Variants in SLC2A7 observed in about 807,000 individuals in gnomAD.
The protein encoded by SLC2A7 is solute carrier family 2 member 7.
SLC2A7 carries 50 observed loss-of-function variants against 50.5 expected under a neutral mutation model. The ratio of observed to expected loss-of-function variants is 0.99; its 90% CI spans 0.79 to 1.25. The LOEUF is 1.25. SLC2A7 is among the 50% of genes most tolerant of loss of function. The probability of loss-of-function intolerance (pLI) is 0.00; values close to 1 mark genes in which losing one functional copy is unlikely to be tolerated. For missense variants in SLC2A7, 683 were observed against 679.1 expected, an observed-to-expected ratio of 1.01 and a Z score of -0.06; for synonymous variants, 308 against 300.4, an observed-to-expected ratio of 1.03 and a Z score of -0.26.
chr1:8,995,505 G>C, the SLC2A7 span, among the ~76,000 whole-genome samples: 1 of 151,812 alleles, frequency 6.6e-6, no homozygotes, highest in Non-Finnish European at 1.5e-5. Context: ...CCAGCACTTT[G>C]GGATGCCAAG....
rs574704600 is a variant in SLC2A7 at position 9,021,262 on chromosome 1, A to G, written c.311+1656T>C. On this transcript the variant is annotated intron_variant, in intron 3 of 11. Transcript: ENST00000400906. Reference sequence around the variant, plus strand: ...TAGCCTGAAGTGATTGGCTCACCTCAGCCTCCCAAAGTGCTGGGATTACTG... The same window carrying G: ...TAGCCTGAAGTGATTGGCTCACCTCGGCCTCCCAAAGTGCTGGGATTACTG... Among the ~76,000 whole-genome samples, 225 of 152,236 alleles carry G rather than the reference A, an allele frequency of 1.5e-3. 1 individual carries two copies. Among genetic ancestry groups the G allele is most frequent in the African/African-American group, 5.2e-3 (215 of 41,550 alleles).
At chr1:9,003,664 C>G (rs1640608376) in intron 11 of SLC2A7, 146 bp from the exon 12 acceptor site, 3 of 650,306 alleles carry the variant, frequency 4.6e-6, no homozygotes, top group Non-Finnish European at 8.0e-6. Flanking sequence ...TTGAGACCAA[C>G]CTGGCCAACA....
At chr1:9,019,133 T>C (rs544179021) in intron 4 of SLC2A7, 76 bp downstream of exon 4, 1 of 1,542,814 alleles carries the variant, frequency 6.5e-7, no homozygotes, top group South Asian at 1.2e-5. Flanking sequence ...GGCAGACACC[T>C]CATCTGCTCC....
At chr1:9,020,855 G>A (rs1303168719) in intron 3 of SLC2A7, among the ~76,000 whole-genome samples, 1 of 152,002 alleles carries the variant, frequency 6.6e-6, no homozygotes, top group African/African-American at 2.4e-5. Flanking sequence ...CTGTTCTCGT[G>A]ATAGTGAATA....
In SLC2A7 at chr1:9,023,078, C is replaced by G. The variant is rs774670862; in HGVS notation, c.151G>C (p.Val51Leu). 7.4e-6 allele frequency: 12 copies of G among 1,612,984 alleles called. No homozygotes were observed. The highest frequency in any genetic ancestry group is 1.0e-5 in the Non-Finnish European group (12 of 1,179,234). Residue 51 changes from valine to leucine, a missense_variant and splice_region_variant, in exon 3 of 12, where the codon GTC becomes CTC. Transcript: ENST00000400906. ...NLSVVNTPHK[V>L]FKSFYNETYF... ...GTTTCGTTGTAAAATGACTTGAAGA[C>G]CTGGAAAACATTGCCCCATCCACAG...
chr1:9,022,685 T>G (rs1569809387), intron 3 of SLC2A7, among the ~76,000 whole-genome samples: 1 of 9,174 alleles, frequency 1.1e-4, no homozygotes, highest in Non-Finnish European at 1.9e-4. Flanking sequence ...CTGCACCACC[T>G]CTGTGGCAGG....
At chr1:9,010,407 G>A (rs1273649595) in intron 8 of SLC2A7, among the ~76,000 whole-genome samples, 163 bp from the exon 9 acceptor site, 1 of 152,034 alleles carries the variant, frequency 6.6e-6, no homozygotes, top group Admixed American at 6.6e-5. Flanking sequence ...TGCCCAGGCT[G>A]GAGTGCAGTG....
intron 8 of SLC2A7, among the ~76,000 whole-genome samples, chr1:9,012,421 G>T (rs908919315): frequency 1.3e-5 from 2 of 152,144 alleles, no homozygotes; most frequent in Admixed American, 6.5e-5. Flanking sequence ...TGGGGATGGG[G>T]CCACAGAAAT....
chr1:9,013,137 C>T (rs1286594581), intron 8 of SLC2A7, among the ~76,000 whole-genome samples: 2 of 152,128 alleles, frequency 1.3e-5, no homozygotes, highest in Admixed American at 6.5e-5. Context: ...AGTCATCCAC[C>T]TGCCTCAGTC....
At position 9,010,186 on chromosome 1, in the gene SLC2A7, C is replaced by T; in HGVS notation, c.1073G>A (p.Cys358Tyr). 2 of 1,552,396 alleles carry T rather than the reference C, an allele frequency of 1.3e-6. No individual in the cohort carries two copies. The highest frequency in any genetic ancestry group is 1.2e-5 in the South Asian group (1 of 84,096). ...CGTCAGCACCAGGCAGGCAGAGCCG[C>T]AGATGCCGTAGCCGGCCAGCAGGAG... ...RHLLLAGYGI[C>Y]GSACLVLTVV... Residue 358 changes from cysteine to tyrosine, a missense_variant, in exon 9 of 12, where the codon TGC (cysteine) becomes TAC (tyrosine). By Grantham distance (194) the Cys-to-Tyr change is radical (BLOSUM62 -2). Transcript: ENST00000400906.
At chr1:9,017,822 A>T (rs553366040) in intron 5 of SLC2A7, among the ~76,000 whole-genome samples, 7 of 152,320 alleles carry the variant, frequency 4.6e-5, no homozygotes, top group African/African-American at 1.7e-4. Context: ...CCGCCAGAAG[A>T]AAACAGCCAC....
intron 3 of SLC2A7, among the ~76,000 whole-genome samples, chr1:9,019,634 C>T (rs1640884237): frequency 6.6e-6 from 1 of 152,086 alleles, no homozygotes; most frequent in Admixed American, 6.6e-5. Context: ...CCCGTGAAGA[C>T]ACAGCCAGGC....
chr1:9,024,339 G>T (rs1335366632), intron 2 of SLC2A7, among the ~76,000 whole-genome samples: 13 of 152,182 alleles, frequency 8.5e-5, no homozygotes, highest in Non-Finnish European at 2.9e-5. Context: ...GGTAATAATT[G>T]TAAGTACACT....
chr1:9,013,691 A>G, intron 7 of SLC2A7, 56 bp from the exon 8 acceptor site: 2 of 1,438,668 alleles, frequency 1.4e-6, no homozygotes, highest in African/African-American at 1.4e-5. Context: ...ACGCTGGCTT[A>G]ACTTTCTCAA....
chr1:9,025,182 G>A, intron 1 of SLC2A7, 108 bp from the exon 2 acceptor site: 9 of 1,159,222 alleles, frequency 7.8e-6, no homozygotes, highest in Non-Finnish European at 1.1e-5. Context: ...GGGGATGGGG[G>A]ATCCCAGGCC....
intron 5 of SLC2A7, among the ~76,000 whole-genome samples, chr1:9,017,082 C>T (rs1640841361): frequency 6.6e-6 from 1 of 152,154 alleles, no homozygotes; most frequent in African/African-American, 2.4e-5. Context: ...TAGGTAAAAA[C>T]TGGCCATACG....
At chr1:9,018,560 C>T (rs74050989) in intron 4 of SLC2A7, among the ~76,000 whole-genome samples, 185 bp from the exon 5 acceptor site, 2,174 of 152,344 alleles carry the variant, frequency 0.014, 61 homozygotes, top group African/African-American at 0.049. Context: ...ATCCTCAGCC[C>T]CCACGGGGGA....
intron 5 of SLC2A7, among the ~76,000 whole-genome samples, chr1:9,017,850 G>A (rs1640852673): frequency 6.6e-6 from 1 of 152,172 alleles, no homozygotes; most frequent in African/African-American, 2.4e-5. Flanking sequence ...CAGAGACGGT[G>A]GCTGTGAACC....
chr1:9,015,342 C>T, intron 5 of SLC2A7, 100 bp from the exon 6 acceptor site: 1 of 1,403,358 alleles, frequency 7.1e-7, no homozygotes, highest in Non-Finnish European at 9.3e-7. Flanking sequence ...GAACCAAGGA[C>T]TGTGGGGACT....
Sources: allele counts gnomAD v4.1 joint callset (sites outside exome capture counted in the v4.1 genomes callset), GRCh38; gene constraint gnomAD v4.1.1; transcripts MANE v1.5; gene names NCBI Gene and HGNC (gene_info 2026-07-23, HGNC 2026-07-21).